AMACR: variants seen among roughly 807,000 people sequenced by gnomAD.
The protein encoded by AMACR is 2-methylacyl-CoA racemase.
A neutral mutation model predicts 22.2 loss-of-function variants in AMACR; 18 were observed. The observed-to-expected ratio is 0.81, with a 90% confidence interval of 0.56 to 1.20. AMACR has a LOEUF of 1.20. Among genes scored for constraint, AMACR ranks in the 50% most tolerant of loss-of-function variants. The pLI, the probability that AMACR is intolerant of heterozygous loss-of-function variation, is 0.00. For synonymous variants in AMACR, 213 were observed against 191.3 expected, an observed-to-expected ratio of 1.11 and a Z score of -0.94; for missense variants, 499 against 490.6, an observed-to-expected ratio of 1.02 and a Z score of -0.16.
chr5:34,004,125 G>C (rs994992795), intron 3 of AMACR, among the ~76,000 whole-genome samples: 3 of 152,214 alleles, frequency 2.0e-5, no homozygotes, highest in Non-Finnish European at 2.9e-5. Context: ...GGAAGGTTTA[G>C]ACAGGGAGGT....
chr5:33,999,410 G>T (rs1366007117), intron 3 of AMACR, among the ~76,000 whole-genome samples: 1 of 152,130 alleles, frequency 6.6e-6, no homozygotes, highest in Non-Finnish European at 1.5e-5. Flanking sequence ...AATATGGATG[G>T]CAGGTATGTG....
intron 3 of AMACR, among the ~76,000 whole-genome samples, chr5:34,002,768 C>A (rs902826548): frequency 1.3e-5 from 2 of 152,142 alleles, no homozygotes; most frequent in Non-Finnish European, 2.9e-5. Flanking sequence ...TCTCATGCAG[C>A]GACTATGCCA....
Position 34,004,614 on chromosome 5 carries a change from C to T in AMACR, c.512G>A (p.Arg171His), listed in dbSNP as rs770694101. The T allele has an allele frequency of 5.0e-6, 8 of 1,613,988 alleles. No individual in the cohort carries two copies. Among genetic ancestry groups the T allele is most frequent in the African/African-American group, 2.7e-5 (2 of 74,890 alleles). The change falls in exon 3 of 5, where the codon CGC becomes CAC. Residue 171 changes from arginine (R) to histidine (H), a missense_variant. Physicochemically the swap from Arg to His is conservative, Grantham distance 29. Coordinates refer to ENST00000335606, the MANE Select transcript of AMACR (RefSeq NM_014324.6). ...GACCTGACCCTTGCCAGTGCGTGTGCGGTCAAAAAGAGCCATTATAATGCC... is the reference window on the plus strand; with the variant it reads ...GACCTGACCCTTGCCAGTGCGTGTGTGGTCAAAAAGAGCCATTATAATGCC... The part of the protein sequence containing the change: ...ALGIIMALFD[R>H]TRTGKGQVID...
Position 33,987,706 on chromosome 5 carries a change from G to A in AMACR, c.*1387C>T, listed in dbSNP as rs1242806949. On this transcript the variant is annotated 3_prime_UTR_variant, in exon 5 of 5. Transcript: ENST00000335606. ...AGCAGTGTCCAATCTCATTCCAGGTGAGAAGTTGCACAGTGTCCAATAGGT... is the reference window on the plus strand; with the variant it reads ...AGCAGTGTCCAATCTCATTCCAGGTAAGAAGTTGCACAGTGTCCAATAGGT... 6.6e-6 allele frequency: 1 copy of A among 152,216 alleles called. No individual in the cohort carries two copies. The highest frequency in any genetic ancestry group is 2.4e-5 in the African/African-American group (1 of 41,450). 9.4% of individuals were successfully genotyped at this position (152,216 alleles called of 1,614,324 possible).
Position 34,005,794 on chromosome 5 carries a change from C to T in AMACR, c.353G>A (p.Arg118Gln), listed in dbSNP as rs16892150. Residue 118 changes from arginine (R) to glutamine (Q), a missense_variant, in exon 2 of 5, where the codon CGG (arginine) becomes CAG (glutamine). Transcript: ENST00000335606. ...ATAGTTGATATCGTGGCCAGCTAACCGGCAGAAGCTTCCTGACTGGCCAAA... is the reference window on the plus strand; with the variant it reads ...ATAGTTGATATCGTGGCCAGCTAACTGGCAGAAGCTTCCTGACTGGCCAAA... ...SGFGQSGSFCRLAGHDINYLA... is the reference protein window; with the variant it reads ...SGFGQSGSFCQLAGHDINYLA... The T allele has an allele frequency of 5.6e-3, 9,010 of 1,614,058 alleles. 429 individuals are homozygous for T. In the African/African-American group the frequency reaches 0.11, roughly 19 times the overall value.
At chr5:33,994,202 C>T in intron 4 of AMACR, 4 of 375,502 alleles carry the variant, frequency 1.1e-5, no homozygotes, top group South Asian at 7.9e-5. Flanking sequence ...TGTTTTGAGA[C>T]AGAGTCTCGC....
rs1390053135 is a variant in AMACR, at chr5:33,997,186, C to T, written c.739+1455G>A. ...AGCAATTCTGCTGTTTTGTCATACC[C>T]TATATGAGGGTTGAGAGCTGTCACC... On this transcript the variant is annotated intron_variant, in intron 4 of 4. Coordinates refer to ENST00000335606, the MANE Select transcript of AMACR (RefSeq NM_014324.6). 19 of 759,376 alleles carry T rather than the reference C, an allele frequency of 2.5e-5. No individual in the cohort carries two copies. In the East Asian group the frequency reaches 4.6e-4, roughly 18 times the overall value. The allele number at this position is 759,376 out of a possible 1,614,324, so 47.0% of individuals were successfully genotyped here. A position where few individuals can be genotyped will look rare whatever the true frequency, so the allele number is the denominator to read the frequency against.
At chr5:34,006,340 T>C (rs1753977895) in intron 1 of AMACR, among the ~76,000 whole-genome samples, 2 of 152,216 alleles carry the variant, frequency 1.3e-5, no homozygotes, top group South Asian at 4.1e-4. Flanking sequence ...CTAAAGTGCC[T>C]AGCATCAGTA....
chr5:33,994,366 A>G (rs1029026501), intron 4 of AMACR, among the ~76,000 whole-genome samples: 11 of 152,054 alleles, frequency 7.2e-5, no homozygotes, highest in African/African-American at 2.7e-4. Flanking sequence ...TTTAGTAGAG[A>G]CGGGGTTTCA....
At chr5:34,007,256 A>C (rs893461668) in intron 1 of AMACR, among the ~76,000 whole-genome samples, 3 of 152,198 alleles carry the variant, frequency 2.0e-5, no homozygotes, top group Non-Finnish European at 4.4e-5. Context: ...CAAAAAGGTG[A>C]AAATGATGGG....
chr5:33,991,088 C>T (rs898591978), intron 4 of AMACR, among the ~76,000 whole-genome samples: 1 of 152,186 alleles, frequency 6.6e-6, no homozygotes, highest in Admixed American at 6.5e-5. Flanking sequence ...TTCTTTTTAT[C>T]AGAATGTGAT....
chr5:34,001,553 C>T (rs1015028844), intron 3 of AMACR, among the ~76,000 whole-genome samples: 1 of 152,178 alleles, frequency 6.6e-6, no homozygotes, highest in Non-Finnish European at 1.5e-5. Context: ...GTAAGAGAAA[C>T]CTTTAGGTGG....
At chr5:33,996,160 A>T (rs533216915) in intron 4 of AMACR, among the ~76,000 whole-genome samples, 1 of 149,214 alleles carries the variant, frequency 6.7e-6, no homozygotes, top group East Asian at 2.0e-4. Flanking sequence ...TAAATTGTTG[A>T]TTTAATAAAA....
In AMACR at chr5:33,988,832, A is replaced by C. The variant is rs1753378993; in HGVS notation, c.*261T>G. 7.6e-7 allele frequency: 1 copy of C among 1,323,200 alleles called. No individual in the cohort carries two copies. The highest frequency in any genetic ancestry group is 1.5e-5 in the African/African-American group (1 of 67,670). 82.0% of individuals were successfully genotyped at this position (1,323,200 alleles called of 1,614,324 possible). The stretch of plus-strand genomic sequence containing the variant: ...ATAAGTCAAGAATCTTAATATCAAC[A>C]AATATATCAAGCAAACTGGAAGGCA... On this transcript the variant is annotated 3_prime_UTR_variant, in exon 5 of 5. Coordinates refer to ENST00000335606, the MANE Select transcript of AMACR (RefSeq NM_014324.6).
chr5:34,005,946 TGGA>T, intron 1 of AMACR, 47 bp from the exon 2 acceptor site: 1 of 1,604,562 alleles, frequency 6.2e-7, no homozygotes, highest in South Asian at 1.1e-5. Flanking sequence ...GAATTGAGGA[TGGA>T]GATAATCCCT....
intron 4 of AMACR, chr5:33,993,862 G>A (rs1180588199): frequency 6.2e-6 from 2 of 323,564 alleles, no homozygotes; most frequent in Non-Finnish European, 1.2e-5. Context: ...TCATGCCACT[G>A]CACTCCAGCC....
chr5:33,999,001 T>A (rs1393420259), intron 3 of AMACR, among the ~76,000 whole-genome samples, 174 bp from the exon 4 acceptor site: 1 of 152,222 alleles, frequency 6.6e-6, no homozygotes, highest in Non-Finnish European at 1.5e-5. Flanking sequence ...GTTAGAGCAG[T>A]TTGTGTTAAA....
At chr5:33,997,840 T>C (rs567155790) in intron 4 of AMACR, 13 of 339,322 alleles carry the variant, frequency 3.8e-5, no homozygotes, top group African/African-American at 2.8e-4. Flanking sequence ...ATCAAAAATT[T>C]GGAAAATTTA....
At chr5:34,001,750 A>C (rs40601) in intron 3 of AMACR, among the ~76,000 whole-genome samples, 17,861 of 152,216 alleles carry the variant, frequency 0.12, 1,115 homozygotes, top group East Asian at 0.17. Context: ...AGGCAGGCCC[A>C]GGTCTGGAAT....
Sources: allele counts gnomAD v4.1 joint callset (sites outside exome capture counted in the v4.1 genomes callset), GRCh38; gene constraint gnomAD v4.1.1; transcripts MANE v1.5; gene names NCBI Gene and HGNC (gene_info 2026-07-23, HGNC 2026-07-21).